Variants in FGR observed in about 807,000 individuals in gnomAD.
The protein encoded by FGR is FGR proto-oncogene, Src family tyrosine kinase.
FGR carries 26 observed loss-of-function variants against 63.2 expected under a neutral mutation model. The observed-to-expected ratio is 0.41, with a 90% CI of 0.30 to 0.57. The LOEUF is 0.57. FGR is among the 20% of genes least tolerant of loss of function. The probability of loss-of-function intolerance (pLI) is 0.27; values close to 1 mark genes in which losing one functional copy is unlikely to be tolerated. For missense variants in FGR, 511 were observed against 690.8 expected (o/e 0.74, Z 2.92); for synonymous variants, 286 against 277.7 (o/e 1.03, Z -0.30).
intron 1 of FGR, among the ~76,000 whole-genome samples, chr1:27,633,568 T>TTTG (rs1032528957): frequency 2.0e-5 from 3 of 152,288 alleles, no homozygotes; most frequent in South Asian, 4.2e-4. Context: ...CTCCATGCTT[T>TTTG]TTGTTGTTGT....
intron 1 of FGR, chr1:27,626,504 G>A (rs1571401951): frequency 3.6e-6 from 1 of 275,366 alleles, no homozygotes. Context: ...CAGTTGCCTG[G>A]CTGATGGTTC....
intron 1 of FGR, among the ~76,000 whole-genome samples, chr1:27,628,962 A>G (rs1036240469): frequency 3.9e-5 from 6 of 152,312 alleles, no homozygotes; most frequent in Admixed American, 2.0e-4. Flanking sequence ...AGGGTATGAC[A>G]TCTGCATGGC....
At chr1:27,631,100 A>G (rs900116508) in intron 1 of FGR, among the ~76,000 whole-genome samples, 2 of 152,184 alleles carry the variant, frequency 1.3e-5, no homozygotes, top group African/African-American at 4.8e-5. Flanking sequence ...TCTCTTTTGC[A>G]TAGGGGGAAG....
At chr1:27,618,148 A>C (rs2089849014) in intron 5 of FGR, among the ~76,000 whole-genome samples, 1 of 152,130 alleles carries the variant, frequency 6.6e-6, no homozygotes, top group Admixed American at 6.5e-5. Context: ...ACAGTTCAGG[A>C]AACAGGGGAA....
intron 11 of FGR, 95 bp downstream of exon 11, chr1:27,614,335 G>T: frequency 2.2e-6 from 3 of 1,394,918 alleles, no homozygotes; most frequent in South Asian, 2.8e-5. Flanking sequence ...CGACTCGGGC[G>T]ACCTGGAGTG....
In FGR at chr1:27,615,674, C is replaced by T. The variant is rs1375360670; in HGVS notation, c.838+15G>A. The T allele has an allele frequency of 6.3e-7, 1 of 1,594,152 alleles. No individual in the cohort carries two copies. The highest frequency in any genetic ancestry group is 8.6e-7 in the Non-Finnish European group (1 of 1,165,126). On this transcript the variant is annotated intron_variant, in intron 8 of 12. Coordinates refer to ENST00000374005, the MANE Select transcript of FGR (RefSeq NM_005248.3). This position sits in a 1 kb window ranked among gnomAD's most constrained non-coding sequence, Gnocchi z 7.6. Reference sequence around the variant, plus strand: ...CGAGCCCAGGCCCTCGTCCCGGCCCCCGGGAGCTCCGTACCCAGCCACACA... The same window carrying T: ...CGAGCCCAGGCCCTCGTCCCGGCCCTCGGGAGCTCCGTACCCAGCCACACA...
At chr1:27,623,209 CA>C (rs1571396218) in intron 3 of FGR, 65 bp from the exon 4 acceptor site, 1 of 1,220,364 alleles carries the variant, frequency 8.2e-7, no homozygotes. Flanking sequence ...GGCTGCACCC[CA>C]AATTCCTGTT....
chr1:27,617,304 G>C lies in FGR; in HGVS notation c.429-8C>G. 6.2e-7 allele frequency: 1 copy of C among 1,609,086 alleles called. No individual in the cohort carries two copies. The highest frequency in any genetic ancestry group is 2.2e-5 in the East Asian group (1 of 44,864). On this transcript the variant is annotated splice_polypyrimidine_tract_variant and splice_region_variant and intron_variant, in intron 5 of 12. Coordinates refer to ENST00000374005, the MANE Select transcript of FGR (RefSeq NM_005248.3). The surrounding 1 kb of genome is among the most constrained non-coding windows in gnomAD (Gnocchi z 4.5). ...ATCTTTCCAAAGTACCACCTGTTGGGAAAGGCAGGCAAGAGTCAGGTACGC... is the reference window on the plus strand; with the variant it reads ...ATCTTTCCAAAGTACCACCTGTTGGCAAAGGCAGGCAAGAGTCAGGTACGC...
intron 5 of FGR, among the ~76,000 whole-genome samples, chr1:27,621,194 C>G (rs1474378038): frequency 6.6e-6 from 1 of 152,042 alleles, no homozygotes; most frequent in Non-Finnish European, 1.5e-5. Flanking sequence ...TAATGCTTAG[C>G]AAATGCAGCC....
At chr1:27,634,847 C>T (rs1031108591) in intron 1 of FGR, among the ~76,000 whole-genome samples, 1 of 152,138 alleles carries the variant, frequency 6.6e-6, no homozygotes, top group Non-Finnish European at 1.5e-5. Context: ...CTCCCCTCCG[C>T]CCTCTCCTCC....
At chr1:27,625,390 C>T (rs1167246196) in intron 1 of FGR, among the ~76,000 whole-genome samples, 2 of 152,214 alleles carry the variant, frequency 1.3e-5, no homozygotes, top group African/African-American at 4.8e-5. Flanking sequence ...CCAGCACAGT[C>T]ACACAATAAC....
chr1:27,629,582 T>C (rs2090075456), intron 1 of FGR, among the ~76,000 whole-genome samples: 1 of 152,176 alleles, frequency 6.6e-6, no homozygotes, highest in South Asian at 2.1e-4. Flanking sequence ...GACATCTGCA[T>C]GAAAATAGCC....
intron 1 of FGR, among the ~76,000 whole-genome samples, chr1:27,634,682 ACT>A: frequency 7.4e-6 from 1 of 134,976 alleles, no homozygotes; most frequent in African/African-American, 2.8e-5. Flanking sequence ...CCAAAGTCCC[ACT>A]CTCACGATCC....
chr1:27,613,735 G>C (rs2089744970), intron 11 of FGR, among the ~76,000 whole-genome samples: 2 of 151,118 alleles, frequency 1.3e-5, no homozygotes, highest in South Asian at 4.2e-4. Context: ...GAGAGAGAAT[G>C]GGGACTCTAG....
intron 4 of FGR, among the ~76,000 whole-genome samples, chr1:27,622,543 T>C (rs2148528188): frequency 6.6e-6 from 1 of 152,244 alleles, no homozygotes; most frequent in African/African-American, 2.4e-5. Flanking sequence ...TCTCCCTCTG[T>C]TGCCTAGGCT....
intron 4 of FGR, 132 bp downstream of exon 4, chr1:27,622,910 G>A: frequency 1.5e-6 from 1 of 661,364 alleles, no homozygotes; most frequent in East Asian, 2.7e-5. Context: ...CAGTCACCCA[G>A]GGTTTTTATT....
chr1:27,615,456 G>A lies in FGR; in HGVS notation c.996C>T (p.Ile332=), dbSNP rs998446016. 4 of 1,603,816 alleles carry A rather than the reference G, an allele frequency of 2.5e-6. No individual in the cohort carries two copies. The highest frequency in any genetic ancestry group is 1.7e-4 in the Middle Eastern group (1 of 6,038). Residue 332 remains isoleucine (I), a synonymous_variant, in exon 9 of 13, where the codon ATC becomes ATT. Transcript: ENST00000374005. The surrounding 1 kb of genome is among the most constrained non-coding windows in gnomAD (Gnocchi z 7.6). ...YAVVSEEPIY[I]VTEFMCHGSL... is the part of the protein sequence containing the mutation. ...GACCGTGACACATGAACTCGGTCAC[G>A]ATGTAGATGGGCTCCTCCGACACCA...
At chr1:27,627,090 T>C (rs2090033589) in intron 1 of FGR, among the ~76,000 whole-genome samples, 1 of 152,080 alleles carries the variant, frequency 6.6e-6, no homozygotes, top group Admixed American at 6.5e-5. Flanking sequence ...GGAGGATTGC[T>C]TAAGCCTGGG....
rs908870933 is a variant in FGR at position 27,612,673 on chromosome 1, C to T, written c.*241G>A. ...GAGAAAGGCTACAGGCATGTAGGGG[C>T]CTAAGTGGAAAAGGAAGAAATAGTG... On this transcript the variant is annotated 3_prime_UTR_variant, in exon 13 of 13. Transcript: ENST00000374005. 1.3e-5 allele frequency: 7 copies of T among 521,236 alleles called. No individual in the cohort carries two copies. In the Admixed American group the frequency reaches 2.0e-4, roughly 15 times the overall value. 32.3% of individuals were successfully genotyped at this position (521,236 alleles called of 1,614,324 possible). A position where few individuals can be genotyped will look rare whatever the true frequency, so the allele number is the denominator to read the frequency against.
Sources: gnomAD v4.1 joint callset for allele counts (sites outside exome capture counted in the v4.1 genomes callset) on GRCh38, gnomAD v4.1.1 for gene constraint, Gnocchi (gnomAD v3.1) non-coding constraint, MANE v1.5 for transcripts, NCBI Gene and HGNC (gene_info 2026-07-23, HGNC 2026-07-21) for gene names.